The following EPB41L1 variants were observed in gnomAD, a reference collection of about 807,000 sequenced individuals.
EPB41L1 encodes the protein band 4.1-like protein 1.
Under a neutral mutation model 97.8 loss-of-function variants are expected in EPB41L1, and 29 were observed. The ratio of observed to expected loss-of-function variants is 0.30; its 90% CI spans 0.22 to 0.40. The LOEUF is 0.40. Ranked by LOEUF, EPB41L1 falls within the 10% of genes least tolerant of loss-of-function variation. EPB41L1 has a pLI of 1.00. For synonymous variants in EPB41L1, 383 were observed against 459.2 expected (o/e 0.83, Z 2.12); for missense variants, 812 against 1,162.3 (o/e 0.70, Z 4.38).
intron 1 of EPB41L1, among the ~76,000 whole-genome samples, chr20:36,156,133 G>A (rs1489412286): frequency 1.3e-5 from 2 of 152,190 alleles, no homozygotes; most frequent in African/African-American, 2.4e-5. Flanking sequence ...ATGAGCCACC[G>A]TGGCCCAGGA....
rs1242831600 is a variant in EPB41L1, at chr20:36,230,764, CTT to C, written c.*1426_*1427del. On this transcript the variant is annotated 3_prime_UTR_variant, in exon 22 of 22. Transcript: ENST00000338074. ...TGCCTTGGTTTTCAGTCTTCTCTCTCTTTCTCTCTTTTTTTTTTTTTTGCCAC... is the reference window on the plus strand; with the variant it reads ...TGCCTTGGTTTTCAGTCTTCTCTCTCTCTCTCTTTTTTTTTTTTTTGCCAC... The C allele has an allele frequency of 6.4e-3, 978 of 151,870 alleles. 7 individuals are homozygous for C. Among genetic ancestry groups the C allele is most frequent in the African/African-American group, 0.022 (924 of 41,206 alleles). 9.4% of individuals were successfully genotyped at this position (151,870 alleles called of 1,614,324 possible).
At chr20:36,119,071 T>C (rs2058671292) in intron 2 of EPB41L1, among the ~76,000 whole-genome samples, 1 of 152,236 alleles carries the variant, frequency 6.6e-6, no homozygotes, top group Non-Finnish European at 1.5e-5. Flanking sequence ...GAGATACTGA[T>C]ATCAATGTGA....
chr20:36,171,140 T>G lies in EPB41L1; in HGVS notation c.-14-2624T>G, dbSNP rs561758360. On this transcript the variant is annotated intron_variant, in intron 1 of 21. Transcript: ENST00000338074. Reference sequence around the variant, plus strand: ...ACAGATGAGTCTGTGATGCTTTTTTTTTTTTTCTTTTTAAGCAAAATTAAG... The same window carrying G: ...ACAGATGAGTCTGTGATGCTTTTTTGTTTTTTCTTTTTAAGCAAAATTAAG... Among the ~76,000 whole-genome samples the G allele has an allele frequency of 7.9e-3, 1,198 of 151,880 alleles. 11 individuals are homozygous for G. The highest frequency in any genetic ancestry group is 0.027 in the African/African-American group (1,102 of 41,352).
chr20:36,124,178 C>T (rs1234526427), intron 2 of EPB41L1, among the ~76,000 whole-genome samples: 1 of 152,116 alleles, frequency 6.6e-6, no homozygotes, highest in Non-Finnish European at 1.5e-5. Flanking sequence ...TGGTGTGAAC[C>T]CGGGATGCAG....
intron 2 of EPB41L1, among the ~76,000 whole-genome samples, chr20:36,175,075 C>G (rs2061167287): frequency 6.6e-6 from 1 of 152,166 alleles, no homozygotes; most frequent in Non-Finnish European, 1.5e-5. Context: ...CTGAGGGCAT[C>G]AGCAGTGGAG....
At chr20:36,211,713 G>T (rs1419770409) in intron 15 of EPB41L1, among the ~76,000 whole-genome samples, 1 of 152,188 alleles carries the variant, frequency 6.6e-6, no homozygotes, top group Non-Finnish European at 1.5e-5. Flanking sequence ...AGTTAGCCGG[G>T]TGTGGTGGCA....
At chr20:36,202,806 G>A (rs1436736831) in intron 14 of EPB41L1, among the ~76,000 whole-genome samples, 5 of 132,480 alleles carry the variant, frequency 3.8e-5, no homozygotes, top group Admixed American at 3.2e-4. Flanking sequence ...GCAAAACTCC[G>A]TCTCAAAAAA....
At chr20:36,125,516 C>G in intron 2 of EPB41L1, 1 of 1,513,468 alleles carries the variant, frequency 6.6e-7, no homozygotes, top group Non-Finnish European at 8.9e-7. Context: ...ACCTACTGAG[C>G]GCTCAGTAAA....
At chr20:36,160,667 G>T (rs571247500) in intron 1 of EPB41L1, among the ~76,000 whole-genome samples, 1 of 151,916 alleles carries the variant, frequency 6.6e-6, no homozygotes, top group Non-Finnish European at 1.5e-5. Flanking sequence ...CTCTCCAGTC[G>T]TAGCTAATAA....
At chr20:36,183,050 G>A (rs1452734857) in intron 6 of EPB41L1, among the ~76,000 whole-genome samples, 2 of 152,202 alleles carry the variant, frequency 1.3e-5, no homozygotes, top group African/African-American at 4.8e-5. Context: ...GATTGGAAAT[G>A]AGTGCAAAGC....
At chr20:36,219,737 GT>G in intron 18 of EPB41L1, 23 bp from the exon 19 acceptor site, 1 of 1,611,876 alleles carries the variant, frequency 6.2e-7, no homozygotes, top group Non-Finnish European at 8.5e-7. Context: ...GACACCCTGG[GT>G]GGGGGGTGGT....
In EPB41L1 at chr20:36,185,261, C is replaced by T; in HGVS notation, c.711C>T (p.Val237=). ...CTGAGGAGCATGTGGGCAACTATGT[C>T]AGCGAGCTCCGCTTCGCCCCTAACC... The part of the protein sequence containing the change: ...YDAEEHVGNY[V]SELRFAPNQT... The change falls in exon 7 of 22, where the codon GTC becomes GTT. Residue 237 remains valine (V), a synonymous_variant. Coordinates refer to ENST00000338074, the MANE Select transcript of EPB41L1 (RefSeq NM_012156.2). 6.2e-7 allele frequency: 1 copy of T among 1,613,912 alleles called. No individual in the cohort carries two copies. The highest frequency in any genetic ancestry group is 1.1e-5 in the South Asian group (1 of 91,072).
chr20:36,192,526 C>T (rs183757699), intron 11 of EPB41L1, among the ~76,000 whole-genome samples: 1,351 of 132,806 alleles, frequency 0.01, 29 homozygotes, highest in African/African-American at 0.037. Context: ...AGCAAGACTC[C>T]GTCTCAAAAA....
chr20:36,220,489 A>G (rs2063719050), intron 19 of EPB41L1, among the ~76,000 whole-genome samples: 2 of 152,320 alleles, frequency 1.3e-5, no homozygotes, highest in Middle Eastern at 3.4e-3. Flanking sequence ...AACAAATACC[A>G]GGACACATTT....
upstream of EPB41L1, among the ~76,000 whole-genome samples, chr20:36,153,362 C>G: frequency 6.6e-6 from 1 of 152,074 alleles, no homozygotes. Flanking sequence ...CTGAGGGAAT[C>G]GCATCAGGGA....
At chr20:36,211,028 G>A (rs1160670149) in intron 15 of EPB41L1, among the ~76,000 whole-genome samples, 2 of 151,980 alleles carry the variant, frequency 1.3e-5, no homozygotes, top group Admixed American at 6.6e-5. Context: ...AGCTTTGATC[G>A]TGCCACTGCA....
At chr20:36,141,813 TTATAG>T (rs1223891389) in intron 2 of EPB41L1, among the ~76,000 whole-genome samples, 2 of 152,240 alleles carry the variant, frequency 1.3e-5, no homozygotes, top group South Asian at 2.1e-4. Flanking sequence ...CATACATATT[TTATAG>T]AAATTGGGGC....
chr20:36,206,353 G>A lies in EPB41L1; in HGVS notation c.1669-3135G>A, dbSNP rs554903030. The A allele has an allele frequency of 6.6e-4, 852 of 1,289,902 alleles. 12 individuals carry two copies. In the South Asian group the frequency reaches 9.5e-3, roughly 14 times the overall value. The allele number at this position is 1,289,902 out of a possible 1,614,324, so 79.9% of individuals were successfully genotyped here. A position where few individuals can be genotyped will look rare whatever the true frequency, so the allele number is the denominator to read the frequency against. On this transcript the variant is annotated intron_variant, in intron 14 of 21. Transcript: ENST00000338074. This position sits in a 1 kb window ranked among gnomAD's most constrained non-coding sequence, Gnocchi z 5.5. ...AGGGACCAGGCCAGCAGAGGTGGAC[G>A]TCCTCTCTCCAGCCTCCGACAAGGG...
At chr20:36,225,420 T>C (rs1478409803) in intron 21 of EPB41L1, among the ~76,000 whole-genome samples, 2 of 152,226 alleles carry the variant, frequency 1.3e-5, no homozygotes, top group Admixed American at 6.5e-5. Context: ...TTAGAAAGAC[T>C]GGACTGGGAC....
Sources: gnomAD v4.1 joint callset for allele counts (sites outside exome capture counted in the v4.1 genomes callset) on GRCh38, gnomAD v4.1.1 for gene constraint, Gnocchi (gnomAD v3.1) non-coding constraint, MANE v1.5 for transcripts, NCBI Gene and HGNC (gene_info 2026-07-23, HGNC 2026-07-21) for gene names.